Variants in GLDC observed in about 807,000 individuals in gnomAD.
GLDC encodes glycine dehydrogenase (decarboxylating), mitochondrial.
Under a neutral mutation model 121.3 loss-of-function variants are expected in GLDC, and 104 were observed. That is an observed-to-expected ratio of 0.86 (90% confidence interval 0.73 to 1.01). The LOEUF (loss-of-function observed/expected upper bound fraction) is 1.01. Among genes scored for constraint, GLDC ranks in the 50% least tolerant of loss-of-function variants. The pLI is 0.00. For synonymous variants in GLDC, 546 were observed against 480.6 expected, an observed-to-expected ratio of 1.14 and a Z score of -1.78; for missense variants, 1,429 against 1,306.6, an observed-to-expected ratio of 1.09 and a Z score of -1.44.
At chr9:6,533,940 T>C (rs10975630) in intron 24 of GLDC, 28,102 of 150,696 alleles carry the variant, frequency 0.19, 2,774 homozygotes, top group East Asian at 0.29. Flanking sequence ...CAGCTGGGCG[T>C]GATGGCTCAC....
At chr9:6,638,748 C>A (rs1002123880) in intron 2 of GLDC, among the ~76,000 whole-genome samples, 1 of 152,034 alleles carries the variant, frequency 6.6e-6, no homozygotes, top group African/African-American at 2.4e-5. Context: ...CGGTGGCTCC[C>A]GCCTATAATC....
intron 16 of GLDC, among the ~76,000 whole-genome samples, chr9:6,562,016 A>G (rs960400661): frequency 2.6e-5 from 4 of 152,208 alleles, no homozygotes; most frequent in Admixed American, 2.0e-4. Context: ...CCTTTGGTCA[A>G]TGTTTTCCCT....
chr9:6,552,136 G>C (rs994611640), intron 20 of GLDC, among the ~76,000 whole-genome samples: 1 of 152,190 alleles, frequency 6.6e-6, no homozygotes, highest in Non-Finnish European at 1.5e-5. Flanking sequence ...TTGCAGCAGG[G>C]AGAGAAGCAG....
chr9:6,633,201 G>A (rs1402214338), intron 2 of GLDC, among the ~76,000 whole-genome samples: 3 of 152,110 alleles, frequency 2.0e-5, no homozygotes, highest in African/African-American at 2.4e-5. Context: ...CGACACAGGG[G>A]TCCGTAACTC....
chr9:6,549,874 C>G (rs1455865452), intron 21 of GLDC, among the ~76,000 whole-genome samples: 1 of 152,112 alleles, frequency 6.6e-6, no homozygotes, highest in African/African-American at 2.4e-5. Context: ...CTTCATGAAT[C>G]CCTACCCTCC....
At chr9:6,614,902 A>G (rs1818937858) in intron 3 of GLDC, among the ~76,000 whole-genome samples, 3 of 152,198 alleles carry the variant, frequency 2.0e-5, no homozygotes, top group Non-Finnish European at 2.9e-5. Context: ...ACTGAATACT[A>G]TAGGCAATTG....
intron 21 of GLDC, among the ~76,000 whole-genome samples, chr9:6,548,384 T>C (rs1817441061): frequency 2.6e-5 from 4 of 152,244 alleles, no homozygotes; most frequent in African/African-American, 9.6e-5. Context: ...AAGCTAGATT[T>C]GAATTAATCA....
chr9:6,545,067 C>G (rs1165230509), intron 21 of GLDC, among the ~76,000 whole-genome samples: 3 of 151,202 alleles, frequency 2.0e-5, no homozygotes, highest in Non-Finnish European at 4.4e-5. Context: ...CCATTGCAAT[C>G]CAGTCTGGGT....
In GLDC at chr9:6,556,225, G is replaced by C; in HGVS notation, c.2130C>G (p.Ile710Met). 2 of 1,611,936 alleles carry C rather than the reference G, an allele frequency of 1.2e-6. No individual in the cohort carries two copies. The highest frequency in any genetic ancestry group is 2.7e-5 in the African/African-American group (2 of 74,964). ...PSTNGVFEEN[I>M]SDVCDLIHQH... ...GATGGATGAGGTCACACACGTCACT[G>C]ATGTTCTCTTCAAACACCCCATTGG... is the stretch of plus-strand genomic sequence containing the variant. The change falls in exon 18 of 25, where the codon ATC becomes ATG. Residue 710 changes from isoleucine to methionine, a missense_variant. Transcript: ENST00000321612.
chr9:6,594,700 G>GCAAGCAAGCAAGCAAGCAAGCAAGC (rs1563852238), intron 9 of GLDC, among the ~76,000 whole-genome samples: 3 of 151,072 alleles, frequency 2.0e-5, no homozygotes, highest in African/African-American at 7.3e-5. Flanking sequence ...ATTAAGCAAG[G>GCAAGCAAGCAAGCAAGCAAGCAAGC]AAGCAAGCAA....
chr9:6,620,012 G>C (rs527587759), intron 3 of GLDC, among the ~76,000 whole-genome samples, 172 bp downstream of exon 3: 2 of 152,274 alleles, frequency 1.3e-5, no homozygotes, highest in Non-Finnish European at 2.9e-5. Context: ...CTCAACATTT[G>C]AGCAAGAACA....
rs140706192 is a variant in GLDC, at chr9:6,594,798, G to T, written c.1261+216C>A. Among the ~76,000 whole-genome samples the T allele has an allele frequency of 0.016, 1,915 of 119,566 alleles. 30 individuals carry two copies. Among genetic ancestry groups the T allele is most frequent in the African/African-American group, 0.052 (1,813 of 34,820 alleles). 78.4% of individuals were successfully genotyped at this position (119,566 alleles called of 152,430 possible). A position where few individuals can be genotyped will look rare whatever the true frequency, so the allele number is the denominator to read the frequency against. On this transcript the variant is annotated intron_variant, in intron 9 of 24. Coordinates refer to ENST00000321612, the MANE Select transcript of GLDC (RefSeq NM_000170.3). The stretch of plus-strand genomic sequence containing the variant: ...AAAAAAGAAAGAAAGCAAGAAAAAG[G>T]AAATAAAAGAAAGAAAGAAAGAAAG...
At chr9:6,639,281 G>A (rs937343376) in intron 2 of GLDC, 12 of 908,734 alleles carry the variant, frequency 1.3e-5, no homozygotes, top group Admixed American at 3.4e-5. Flanking sequence ...CCCACCTTCC[G>A]GCGGTCCAAG....
intron 2 of GLDC, among the ~76,000 whole-genome samples, chr9:6,642,987 T>C (rs1444534689): frequency 6.6e-6 from 1 of 152,190 alleles, no homozygotes; most frequent in East Asian, 1.9e-4. Context: ...CAACCTCCAC[T>C]GCCCAGCTCA....
At chr9:6,589,581 C>G (rs757958301) in intron 11 of GLDC, among the ~76,000 whole-genome samples, 1 of 151,446 alleles carries the variant, frequency 6.6e-6, no homozygotes, top group Non-Finnish European at 1.5e-5. Flanking sequence ...GTGCATGCCA[C>G]CACACCTGGC....
chr9:6,639,097 C>A (rs1819572148), intron 2 of GLDC: 6 of 700,460 alleles, frequency 8.6e-6, no homozygotes, highest in Admixed American at 8.5e-5. Context: ...ACAGTCCAAT[C>A]TGCCTATTGA....
chr9:6,548,417 T>C (rs1426080809), intron 21 of GLDC, among the ~76,000 whole-genome samples: 1 of 152,218 alleles, frequency 6.6e-6, no homozygotes, highest in Admixed American at 6.5e-5. Flanking sequence ...ACTTCTTTAG[T>C]ACCCACTTCA....
chr9:6,592,064 C>G, intron 11 of GLDC, 79 bp downstream of exon 11: 1 of 879,490 alleles, frequency 1.1e-6, no homozygotes, highest in Non-Finnish European at 1.9e-6. Flanking sequence ...CCCCTTCTCC[C>G]TCACACTCAG....
Position 6,603,302 on chromosome 9 carries a change from A to T in GLDC, c.1059-1097T>A, listed in dbSNP as rs369069979. Among the ~76,000 whole-genome samples the T allele has an allele frequency of 1.6e-4, 25 of 152,044 alleles. No individual in the cohort carries two copies. In the East Asian group the frequency reaches 4.5e-3, roughly 27 times the overall value. Reference sequence around the variant, plus strand: ...AGTGTAACAACCATTGCATAACATTAGGTGTTAATAAGATGATTTAAAGTA... The same window carrying T: ...AGTGTAACAACCATTGCATAACATTTGGTGTTAATAAGATGATTTAAAGTA... On this transcript the variant is annotated intron_variant, in intron 7 of 24. Transcript: ENST00000321612.
Sources: allele counts gnomAD v4.1 joint callset (sites outside exome capture counted in the v4.1 genomes callset), GRCh38; gene constraint gnomAD v4.1.1; transcripts MANE v1.5; gene names NCBI Gene and HGNC (gene_info 2026-07-23, HGNC 2026-07-21).